Variants in WDPCP observed in about 807,000 individuals in gnomAD.
The protein encoded by WDPCP is WD repeat containing planar cell polarity effector.
A neutral mutation model predicts 93.1 loss-of-function variants in WDPCP; 71 were observed. That is an observed-to-expected ratio of 0.76 (90% CI 0.63 to 0.93). WDPCP has a LOEUF of 0.93. Ranked by LOEUF, WDPCP falls within the 40% of genes least tolerant of loss-of-function variation. WDPCP has a pLI of 0.00. For missense variants in WDPCP, 844 were observed against 887.4 expected (o/e 0.95, Z 0.62); for synonymous variants, 315 against 315.0 (o/e 1.00, Z 0.00).
intron 2 of WDPCP, among the ~76,000 whole-genome samples, chr2:63,785,118 T>A (rs370377244): frequency 6.6e-6 from 1 of 152,226 alleles, no homozygotes; most frequent in East Asian, 1.9e-4. Flanking sequence ...TGCTCTTTAA[T>A]TACACTGAGT....
intron 14 of WDPCP, among the ~76,000 whole-genome samples, chr2:63,200,317 G>A (rs1480634290): frequency 6.6e-6 from 1 of 152,136 alleles, no homozygotes; most frequent in Non-Finnish European, 1.5e-5. Context: ...GCTACCATAT[G>A]ATTCAACAAT....
At chr2:63,226,268 C>G (rs933486640) in intron 14 of WDPCP, among the ~76,000 whole-genome samples, 4 of 151,852 alleles carry the variant, frequency 2.6e-5, no homozygotes, top group Non-Finnish European at 5.9e-5. Flanking sequence ...GGAAGGGACT[C>G]TAACCCAGAG....
intron 17 of WDPCP, among the ~76,000 whole-genome samples, chr2:63,124,579 C>T (rs577585449): frequency 6.6e-6 from 1 of 152,260 alleles, no homozygotes; most frequent in South Asian, 2.1e-4. Context: ...CTGTGGCTCA[C>T]TTAATGCAGA....
intron 14 of WDPCP, among the ~76,000 whole-genome samples, chr2:63,206,534 C>G (rs1676345176): frequency 6.6e-6 from 1 of 151,944 alleles, no homozygotes; most frequent in Non-Finnish European, 1.5e-5. Context: ...CTCACTGCAG[C>G]CTTGACCTCC....
chr2:63,793,624 T>C (rs1268484480), intron 2 of WDPCP, among the ~76,000 whole-genome samples: 1 of 152,044 alleles, frequency 6.6e-6, no homozygotes, highest in Non-Finnish European at 1.5e-5. Flanking sequence ...TTTAATAAAA[T>C]AATAAAATGA....
rs139165249 is a variant in WDPCP at position 63,708,431 on chromosome 2, G to A, written n.309-57593C>T. On this transcript the variant is annotated intron_variant and non_coding_transcript_variant, in intron 2 of 4. Coordinates refer to the WDPCP transcript ENST00000467687. ...GGGCATAGGACCTTCCGAGCCAGGT[G>A]TGGGATATAATCTCCTGATGTGCCG... 6.2e-3 allele frequency among the ~76,000 whole-genome samples: 946 copies of A among 152,364 alleles called. 15 individuals carry two copies. The highest frequency in any genetic ancestry group is 0.021 in the African/African-American group (875 of 41,600).
intron 2 of WDPCP, among the ~76,000 whole-genome samples, chr2:63,677,411 A>T (rs1710436610): frequency 1.3e-5 from 2 of 152,226 alleles, no homozygotes; most frequent in Non-Finnish European, 2.9e-5. Flanking sequence ...TATCAGCCAA[A>T]GATTTAAAAA....
intron 2 of WDPCP, among the ~76,000 whole-genome samples, chr2:63,675,114 T>C (rs1008735110): frequency 6.6e-6 from 1 of 151,866 alleles, no homozygotes; most frequent in African/African-American, 2.4e-5. Flanking sequence ...CTCTCATCAC[T>C]TTTTTTTAAC....
chr2:63,600,073 A>C (rs555173922), intron 3 of WDPCP: 1 of 152,048 alleles, frequency 6.6e-6, no homozygotes. Flanking sequence ...CTATGAGTTC[A>C]GTGCTTTTTC....
chr2:63,477,949 C>G (rs1700063217), intron 6 of WDPCP: 1 of 152,006 alleles, frequency 6.6e-6, no homozygotes, highest in Non-Finnish European at 1.5e-5. Context: ...GGGAAGGGCT[C>G]CCTGGGAAGA....
chr2:63,419,377 T>G (rs2105337774), intron 9 of WDPCP, among the ~76,000 whole-genome samples: 1 of 152,144 alleles, frequency 6.6e-6, no homozygotes, highest in East Asian at 1.9e-4. Context: ...CCTGACCTCA[T>G]GATCCACTGG....
intron 14 of WDPCP, among the ~76,000 whole-genome samples, chr2:63,235,727 A>C (rs1024603625): frequency 5.1e-4 from 77 of 152,308 alleles, no homozygotes; most frequent in African/African-American, 1.8e-3. Flanking sequence ...TCACCACATA[A>C]ACAGAATTAA....
At chr2:63,538,014 T>C (rs918185656) in intron 1 of WDPCP, among the ~76,000 whole-genome samples, 9 of 152,136 alleles carry the variant, frequency 5.9e-5, no homozygotes, top group Admixed American at 3.9e-4. Context: ...ATCTGATAAA[T>C]TTGCAATCAT....
At chr2:63,349,194 T>G (rs866637397) in intron 12 of WDPCP, among the ~76,000 whole-genome samples, 1 of 151,260 alleles carries the variant, frequency 6.6e-6, no homozygotes, top group Non-Finnish European at 1.5e-5. Context: ...AAGTTCCTGG[T>G]TTTTTTTTCT....
the WDPCP span, among the ~76,000 whole-genome samples, chr2:63,838,283 GCTGTTGATAGAGAGCTC>G: frequency 6.6e-6 from 1 of 152,212 alleles, no homozygotes; most frequent in Non-Finnish European, 1.5e-5. Flanking sequence ...TGGTTTCCTT[GCTGTTGATAGAGAGCTC>G]CTGTCTAAAG....
intron 2 of WDPCP, among the ~76,000 whole-genome samples, chr2:63,775,138 C>T (rs1250685563): frequency 6.6e-6 from 1 of 152,066 alleles, no homozygotes; most frequent in Non-Finnish European, 1.5e-5. Context: ...GTCACAGACC[C>T]CAACCGATAT....
rs146637014 is a variant in WDPCP, at chr2:63,336,526, T to C, written c.1749-23215A>G. 9.3e-4 allele frequency among the ~76,000 whole-genome samples: 142 copies of C among 152,306 alleles called. 2 individuals carry two copies. Among genetic ancestry groups the C allele is most frequent in the African/African-American group, 3.1e-3 (129 of 41,564 alleles). On this transcript the variant is annotated intron_variant, in intron 12 of 17. Coordinates refer to ENST00000272321, the MANE Select transcript of WDPCP (RefSeq NM_015910.7). ...TTATCATGTTGAGGAAGTTCACCTC[T>C]ATTCTTAGTTTTCTGAGTGTTTTTA...
chr2:63,147,986 AAACTT>A (rs1213652049), intron 17 of WDPCP, among the ~76,000 whole-genome samples: 2 of 151,696 alleles, frequency 1.3e-5, no homozygotes, highest in African/African-American at 2.4e-5. Flanking sequence ...AAAAAAAAAA[AAACTT>A]ACAGCCTAGT....
chr2:63,452,595 T>A (rs1311090327), intron 6 of WDPCP, among the ~76,000 whole-genome samples: 2 of 152,168 alleles, frequency 1.3e-5, no homozygotes, highest in Non-Finnish European at 2.9e-5. Flanking sequence ...AAAACTACTT[T>A]AAAGTTCATA....
Sources: gnomAD v4.1 joint callset for allele counts (sites outside exome capture counted in the v4.1 genomes callset) on GRCh38, gnomAD v4.1.1 for gene constraint, MANE v1.5 for transcripts, NCBI Gene and HGNC (gene_info 2026-07-23, HGNC 2026-07-21) for gene names.